Variants in MYO1D observed in about 807,000 individuals in gnomAD.
The protein encoded by MYO1D is unconventional myosin-Id.
MYO1D carries 83 observed loss-of-function variants against 122.0 expected under a neutral mutation model. The ratio of observed to expected loss-of-function variants is 0.68; its 90% CI spans 0.57 to 0.82. The LOEUF (loss-of-function observed/expected upper bound fraction) is 0.82. Ranked by LOEUF, MYO1D falls within the 40% of genes least tolerant of loss-of-function variation. The probability of loss-of-function intolerance (pLI) is 0.00; values close to 1 mark genes in which losing one functional copy is unlikely to be tolerated. For synonymous variants in MYO1D, 464 were observed against 446.9 expected, an observed-to-expected ratio of 1.04 and a Z score of -0.48; for missense variants, 1,157 against 1,269.5, an observed-to-expected ratio of 0.91 and a Z score of 1.35.
At chr17:32,735,765 T>C (rs2089694519) in intron 14 of MYO1D, among the ~76,000 whole-genome samples, 1 of 152,194 alleles carries the variant, frequency 6.6e-6, no homozygotes, top group Admixed American at 6.5e-5. Context: ...TAGTTCAACA[T>C]GGCTTGTCTT....
At chr17:32,638,928 C>A in intron 19 of MYO1D, 93 bp from the exon 20 acceptor site, 2 of 778,428 alleles carry the variant, frequency 2.6e-6, no homozygotes, top group South Asian at 3.0e-5. Context: ...TAGATGTGAA[C>A]CATGTATGGC....
Position 32,654,552 on chromosome 17 carries a change from T to A in MYO1D, c.2415A>T (p.Ala805=), listed in dbSNP as rs201471759. ...TTTGACCCTTCAACATTTCCACGGC[T>A]GCAACCTTTGCCCTGACCTGGGGCA... ...SDLPQVRAKV[A]AVEMLKGQRA... Residue 805 remains alanine (A), a synonymous_variant, in exon 18 of 22, where the codon GCA becomes GCT. Transcript: ENST00000318217. 1 of 1,614,172 alleles carries A rather than the reference T, an allele frequency of 6.2e-7. No homozygotes were observed. Among genetic ancestry groups the A allele is most frequent in the African/African-American group, 1.3e-5 (1 of 75,066 alleles).
intron 20 of MYO1D, among the ~76,000 whole-genome samples, chr17:32,631,783 G>T (rs72815028): frequency 2.8e-4 from 43 of 152,172 alleles, no homozygotes; most frequent in African/African-American, 1.0e-3. Context: ...CTTATTCTTC[G>T]GAGATGCACA....
intron 16 of MYO1D, among the ~76,000 whole-genome samples, chr17:32,703,903 A>G (rs1412938263): frequency 6.6e-6 from 1 of 152,238 alleles, no homozygotes; most frequent in Non-Finnish European, 1.5e-5. Context: ...AATATGACAC[A>G]TAGAAGATGA....
Position 32,778,523 on chromosome 17 carries a change from T to C in MYO1D, c.355A>G (p.Ile119Val). 6.2e-7 allele frequency: 1 copy of C among 1,614,138 alleles called. No homozygotes were observed. Among genetic ancestry groups the C allele is most frequent in the African/African-American group, 1.3e-5 (1 of 75,056 alleles). ...TEASKYIMQY[I>V]AAITNPSQRA... ...TGACTGGGGTTGGTGATGGCCGCAATATACTGCATAATGTACTTACTGGCT... is the reference window on the plus strand; with the variant it reads ...TGACTGGGGTTGGTGATGGCCGCAACATACTGCATAATGTACTTACTGGCT... Residue 119 changes from isoleucine (I) to valine (V), a missense_variant, in exon 3 of 22, where the codon ATT becomes GTT. By Grantham distance (29) the Ile-to-Val change is conservative. Coordinates refer to ENST00000318217, the MANE Select transcript of MYO1D (RefSeq NM_015194.3).
intron 16 of MYO1D, among the ~76,000 whole-genome samples, chr17:32,697,642 TAA>T (rs36067017): frequency 3.1e-4 from 45 of 143,820 alleles, no homozygotes; most frequent in African/African-American, 2.8e-4. Flanking sequence ...TATTTTCAGT[TAA>T]AAAAAAAAAA....
chr17:32,530,807 T>C (rs2150872835), intron 21 of MYO1D, among the ~76,000 whole-genome samples: 1 of 152,054 alleles, frequency 6.6e-6, no homozygotes, highest in Admixed American at 6.5e-5. Context: ...TTGCTAAAAA[T>C]AATTTTTTTT....
intron 21 of MYO1D, chr17:32,523,307 C>G (rs1910221653): frequency 6.6e-6 from 1 of 152,342 alleles, no homozygotes; most frequent in South Asian, 2.1e-4. Flanking sequence ...GGCTTTGGCT[C>G]TGACCCAACT....
At chr17:32,837,333 G>A (rs758088193) in intron 1 of MYO1D, among the ~76,000 whole-genome samples, 1 of 120,980 alleles carries the variant, frequency 8.3e-6, no homozygotes. Context: ...TGAGTGCTTT[G>A]TCAAATCTTA....
intron 1 of MYO1D, among the ~76,000 whole-genome samples, chr17:32,793,907 AC>A (rs540048536): frequency 6.6e-6 from 1 of 152,248 alleles, no homozygotes; most frequent in Non-Finnish European, 1.5e-5. Flanking sequence ...AGTGCTCAGC[AC>A]ACTAATTAGT....
chr17:32,580,218 C>T (rs149768553), intron 21 of MYO1D, among the ~76,000 whole-genome samples: 115 of 140,876 alleles, frequency 8.2e-4, no homozygotes, highest in African/African-American at 3.0e-3. Flanking sequence ...ATGATATTTG[C>T]TTTAGATTTT....
chr17:32,551,421 G>C (rs2150884359), intron 21 of MYO1D, among the ~76,000 whole-genome samples: 1 of 152,282 alleles, frequency 6.6e-6, no homozygotes, highest in Admixed American at 6.5e-5. Context: ...TTCTGCCTTG[G>C]TTTCACTTGT....
intron 21 of MYO1D, among the ~76,000 whole-genome samples, chr17:32,554,271 T>C (rs2087048841): frequency 6.6e-6 from 1 of 152,114 alleles, no homozygotes; most frequent in Admixed American, 6.6e-5. Context: ...CTGATGGGTG[T>C]ACTCTGTACA....
rs1236258088 is a variant in MYO1D at position 32,857,445 on chromosome 17, C to T, written c.95+19333G>A. On this transcript the variant is annotated intron_variant, in intron 1 of 21. Coordinates refer to ENST00000318217, the MANE Select transcript of MYO1D (RefSeq NM_015194.3). The stretch of plus-strand genomic sequence containing the variant: ...CTAAAAATACAAAAAATTAGCTGGG[C>T]GTGGTGGCGGGCACCTGTAGTCCCA... Among the ~76,000 whole-genome samples the T allele has an allele frequency of 7.2e-5, 11 of 152,136 alleles. No individual in the cohort carries two copies. In the East Asian group the frequency reaches 1.6e-3, roughly 21 times the overall value.
intron 1 of MYO1D, among the ~76,000 whole-genome samples, chr17:32,787,000 T>C (rs1040244188): frequency 6.6e-6 from 1 of 151,622 alleles, no homozygotes; most frequent in Non-Finnish European, 1.5e-5. Context: ...ACATTCTGTA[T>C]GAAAGCAAAG....
chr17:32,678,306 G>A (rs2088853990), intron 16 of MYO1D, among the ~76,000 whole-genome samples: 1 of 147,328 alleles, frequency 6.8e-6, no homozygotes, highest in Admixed American at 6.8e-5. Context: ...TGTGCACATT[G>A]TGCAGGTTAG....
At chr17:32,681,854 T>TA (rs2088922600) in intron 16 of MYO1D, among the ~76,000 whole-genome samples, 3 of 138,576 alleles carry the variant, frequency 2.2e-5, no homozygotes, top group African/African-American at 6.0e-5. Flanking sequence ...AGTGGGGTGT[T>TA]AAAGTCTCCC....
chr17:32,519,948 G>A (rs546578698), intron 21 of MYO1D, among the ~76,000 whole-genome samples: 2 of 151,268 alleles, frequency 1.3e-5, no homozygotes, highest in African/African-American at 4.9e-5. Flanking sequence ...AGTTAAGAAG[G>A]GAGGAGAAAG....
rs559799167 is a variant in MYO1D at position 32,708,252 on chromosome 17, T to G, written c.2121+3736A>C. Reference sequence around the variant, plus strand: ...ACACTCATATGAACTATGATCTTCTTTATATTATTTTAGATATGTTTGTCT... The same window carrying G: ...ACACTCATATGAACTATGATCTTCTGTATATTATTTTAGATATGTTTGTCT... On this transcript the variant is annotated intron_variant, in intron 16 of 21. Coordinates refer to ENST00000318217, the MANE Select transcript of MYO1D (RefSeq NM_015194.3). Among the ~76,000 whole-genome samples the G allele has an allele frequency of 2.6e-5, 4 of 152,276 alleles. No individual in the cohort carries two copies. In the East Asian group the frequency reaches 7.7e-4, roughly 29 times the overall value.
Sources: allele counts gnomAD v4.1 joint callset (sites outside exome capture counted in the v4.1 genomes callset), GRCh38; gene constraint gnomAD v4.1.1; transcripts MANE v1.5; gene names NCBI Gene and HGNC (gene_info 2026-07-23, HGNC 2026-07-21).